The following UNC5C variants were observed in gnomAD, a reference collection of about 807,000 sequenced individuals.
The protein encoded by UNC5C is netrin receptor UNC5C.
In UNC5C, 47 loss-of-function variants were observed where a neutral mutation model predicts 99.8. The observed-to-expected ratio is 0.47, with a 90% CI of 0.37 to 0.60. The LOEUF is 0.60. Ranked by LOEUF, UNC5C falls within the 20% of genes least tolerant of loss-of-function variation. The probability of loss-of-function intolerance (pLI) is 0.00; values close to 1 mark genes in which losing one functional copy is unlikely to be tolerated. For missense variants in UNC5C, 1,062 were observed against 1,165.9 expected, an observed-to-expected ratio of 0.91 and a Z score of 1.30; for synonymous variants, 487 against 452.2, an observed-to-expected ratio of 1.08 and a Z score of -0.98.
At chr4:95,194,592 C>A (rs906083552) in intron 12 of UNC5C, among the ~76,000 whole-genome samples, 1 of 152,138 alleles carries the variant, frequency 6.6e-6, no homozygotes, top group African/African-American at 2.4e-5. Flanking sequence ...TCAAATCCAA[C>A]AATGACAGAT....
intron 1 of UNC5C, among the ~76,000 whole-genome samples, chr4:95,492,118 C>G (rs1460532568): frequency 6.6e-6 from 1 of 151,180 alleles, no homozygotes; most frequent in East Asian, 2.0e-4. Flanking sequence ...AAATAAATCT[C>G]TAATATAAAA....
chr4:95,541,746 A>G (rs1486160570), intron 1 of UNC5C, among the ~76,000 whole-genome samples: 1 of 152,134 alleles, frequency 6.6e-6, no homozygotes, highest in Non-Finnish European at 1.5e-5. Flanking sequence ...CTGTAGATGC[A>G]TTTTAATAAA....
At chr4:95,253,827 C>T (rs761381569) in intron 4 of UNC5C, among the ~76,000 whole-genome samples, 1 of 152,168 alleles carries the variant, frequency 6.6e-6, no homozygotes, top group African/African-American at 2.4e-5. Context: ...CGCCCCTCAC[C>T]TCCTGTGCTG....
intron 1 of UNC5C, among the ~76,000 whole-genome samples, chr4:95,451,634 C>T (rs777959293): frequency 1.2e-4 from 19 of 152,196 alleles, no homozygotes; most frequent in Non-Finnish European, 2.2e-4. Flanking sequence ...TATTGTCTTA[C>T]TACTTTTGTT....
chr4:95,406,863 A>T (rs911897069), intron 1 of UNC5C, among the ~76,000 whole-genome samples: 1 of 152,232 alleles, frequency 6.6e-6, no homozygotes, highest in East Asian at 1.9e-4. Context: ...TATTTTCAAC[A>T]ATTTCATGAT....
intron 2 of UNC5C, among the ~76,000 whole-genome samples, chr4:95,317,336 T>C (rs1742513841): frequency 6.6e-6 from 1 of 152,178 alleles, no homozygotes; most frequent in Non-Finnish European, 1.5e-5. Context: ...GAAAAATCTA[T>C]TGAATTCAAG....
chr4:95,235,366 G>T (rs2149375179), intron 7 of UNC5C, among the ~76,000 whole-genome samples: 1 of 152,210 alleles, frequency 6.6e-6, no homozygotes, highest in Non-Finnish European at 1.5e-5. Flanking sequence ...TGAGTTCATT[G>T]TAGATTCTGG....
intron 2 of UNC5C, among the ~76,000 whole-genome samples, chr4:95,330,287 C>A (rs1743060711): frequency 6.6e-6 from 1 of 151,794 alleles, no homozygotes; most frequent in Non-Finnish European, 1.5e-5. Context: ...AGCTATTTTC[C>A]CAAATTATTT....
At chr4:95,357,628 TA>T (rs1229425650) in intron 1 of UNC5C, among the ~76,000 whole-genome samples, 1 of 151,604 alleles carries the variant, frequency 6.6e-6, no homozygotes, top group Non-Finnish European at 1.5e-5. Context: ...TACAAAAAAT[TA>T]AAAAAAGGAA....
intron 1 of UNC5C, among the ~76,000 whole-genome samples, chr4:95,461,634 CT>C (rs1472416007): frequency 2.0e-5 from 3 of 152,108 alleles, no homozygotes; most frequent in Non-Finnish European, 4.4e-5. Context: ...TTACATTATC[CT>C]TAGTCTTTTT....
chr4:95,204,238 A>G (rs1447176004), intron 11 of UNC5C, among the ~76,000 whole-genome samples: 1 of 152,242 alleles, frequency 6.6e-6, no homozygotes, highest in Non-Finnish European at 1.5e-5. Flanking sequence ...TTTTTATTTT[A>G]AAAAATAGTT....
At chr4:95,306,326 C>T (rs756789524) in intron 2 of UNC5C, among the ~76,000 whole-genome samples, 6 of 152,122 alleles carry the variant, frequency 3.9e-5, no homozygotes, top group Admixed American at 2.0e-4. Flanking sequence ...CCTCAGCCTC[C>T]GGAGTAGCTG....
intron 14 of UNC5C, among the ~76,000 whole-genome samples, chr4:95,179,764 AAG>A (rs1384708697): frequency 2.0e-5 from 3 of 151,604 alleles, no homozygotes; most frequent in South Asian, 2.1e-4. Context: ...AAAAAAAAAA[AAG>A]AAAAAGATGA....
intron 1 of UNC5C, among the ~76,000 whole-genome samples, chr4:95,366,566 C>A (rs1322351092): frequency 1.3e-5 from 2 of 152,168 alleles, no homozygotes; most frequent in Non-Finnish European, 2.9e-5. Context: ...CAATCAAATA[C>A]TAACCTAGTC....
In UNC5C at chr4:95,492,237, G is replaced by C. The variant is rs550034029; in HGVS notation, c.124+56497C>G. On this transcript the variant is annotated intron_variant, in intron 1 of 15. Transcript: ENST00000453304. ...ATCTTAATTAATTTATTGTTTTCTT[G>C]CCCCGAGTAGCCAAGATTATGATAG... Among the ~76,000 whole-genome samples, 6 of 151,142 alleles carry C rather than the reference G, an allele frequency of 4.0e-5. No individual in the cohort carries two copies. The East Asian group carries it at 1.2e-3, about 30-fold the overall frequency.
intron 3 of UNC5C, among the ~76,000 whole-genome samples, chr4:95,283,838 A>T (rs1235435039): frequency 6.6e-6 from 1 of 152,208 alleles, no homozygotes; most frequent in African/African-American, 2.4e-5. Flanking sequence ...AATAACCTAG[A>T]TTACTTTTGC....
At position 95,356,216 on chromosome 4, in the gene UNC5C, AAC is replaced by A. The variant is rs1245148293; in HGVS notation, c.125-20587_125-20586del. Among the ~76,000 whole-genome samples the A allele has an allele frequency of 7.9e-3, 596 of 75,764 alleles. 30 individuals are homozygous for A. The highest frequency in any genetic ancestry group is 0.03 in the African/African-American group (493 of 16,620). The allele number at this position is 75,764 out of a possible 152,430, so 49.7% of individuals were successfully genotyped here. A position where few individuals can be genotyped will look rare whatever the true frequency, so the allele number is the denominator to read the frequency against. On this transcript the variant is annotated intron_variant, in intron 1 of 15. Transcript: ENST00000453304. ...AGCAAAAAAAAAAAAAAAAAAACAA[AAC>A]AAAAAAAAAACAGATTCCTCGTTCT...
intron 14 of UNC5C, among the ~76,000 whole-genome samples, chr4:95,174,249 T>C (rs961583320): frequency 1.1e-4 from 16 of 152,140 alleles, no homozygotes; most frequent in Non-Finnish European, 2.4e-4. Context: ...CCTTCAGTTC[T>C]GCTCTGATTT....
chr4:95,309,638 T>G (rs1248356368), intron 2 of UNC5C, among the ~76,000 whole-genome samples: 1 of 152,102 alleles, frequency 6.6e-6, no homozygotes, highest in Non-Finnish European at 1.5e-5. Flanking sequence ...AAGACACGTT[T>G]CAAAAGAAGA....
Sources: allele counts gnomAD v4.1 joint callset (sites outside exome capture counted in the v4.1 genomes callset), GRCh38; gene constraint gnomAD v4.1.1; transcripts MANE v1.5; gene names NCBI Gene and HGNC (gene_info 2026-07-23, HGNC 2026-07-21).